Variants in LRRC7 observed in about 807,000 individuals in gnomAD.
LRRC7 encodes leucine rich repeat containing 7, also known as leucine-rich repeat-containing protein 7.
Under a neutral mutation model 175.7 loss-of-function variants are expected in LRRC7, and 23 were observed. That is an observed-to-expected ratio of 0.13 (90% CI 0.09 to 0.19). The LOEUF is 0.19. Among genes scored for constraint, LRRC7 ranks in the 10% least tolerant of loss-of-function variants. The probability of loss-of-function intolerance (pLI) is 1.00; values close to 1 mark genes in which losing one functional copy is unlikely to be tolerated. For missense variants in LRRC7, 1,354 were observed against 1,904.7 expected (o/e 0.71, Z 5.38); for synonymous variants, 685 against 680.9 (o/e 1.01, Z -0.09).
At chr1:70,023,573 G>A (rs1039169676) in intron 17 of LRRC7, among the ~76,000 whole-genome samples, 199 bp downstream of exon 17, 1 of 151,988 alleles carries the variant, frequency 6.6e-6, no homozygotes, top group African/African-American at 2.4e-5. Context: ...AGTCAGAGGG[G>A]AGGGAATATC....
At chr1:69,844,820 G>A (rs1424910363) in intron 7 of LRRC7, among the ~76,000 whole-genome samples, 1 of 151,802 alleles carries the variant, frequency 6.6e-6, no homozygotes, top group Non-Finnish European at 1.5e-5. Flanking sequence ...TATAACAAAG[G>A]GAACATAAAC....
chr1:69,701,238 A>G (rs557162412), intron 2 of LRRC7, among the ~76,000 whole-genome samples: 1 of 152,306 alleles, frequency 6.6e-6, no homozygotes, highest in South Asian at 2.1e-4. Context: ...GAATACCAAC[A>G]CATTTCAGAT....
chr1:69,608,230 A>C (rs1773322), intron 1 of LRRC7: 22,989 of 152,082 alleles, frequency 0.15, 1,921 homozygotes, highest in Admixed American at 0.19. Context: ...ATTTCTGCCA[A>C]GTTTTTCTTC....
intron 1 of LRRC7, among the ~76,000 whole-genome samples, chr1:69,633,130 T>A (rs1652770489): frequency 1.3e-5 from 2 of 152,058 alleles, no homozygotes; most frequent in South Asian, 4.1e-4. Context: ...AAGTTTGACC[T>A]GGAACTATTA....
intron 26 of LRRC7, among the ~76,000 whole-genome samples, chr1:70,115,905 A>T (rs563455068): frequency 2.0e-5 from 3 of 152,356 alleles, no homozygotes; most frequent in Admixed American, 2.0e-4. Context: ...AATGGAGACC[A>T]GCCTGGCTAC....
intron 7 of LRRC7, among the ~76,000 whole-genome samples, chr1:69,927,856 T>G (rs1246694797): frequency 6.6e-6 from 1 of 152,058 alleles, no homozygotes; most frequent in Admixed American, 6.6e-5. Flanking sequence ...GGTGAGGAAC[T>G]GCATTCCTTT....
chr1:69,998,972 A>G (rs1179257301), intron 11 of LRRC7, among the ~76,000 whole-genome samples: 3 of 152,194 alleles, frequency 2.0e-5, no homozygotes, highest in Admixed American at 1.3e-4. Context: ...CTTCACCAGC[A>G]GTACCTGATG....
At chr1:69,850,464 C>G (rs1261497264) in intron 7 of LRRC7, among the ~76,000 whole-genome samples, 1 of 152,054 alleles carries the variant, frequency 6.6e-6, no homozygotes, top group African/African-American at 2.4e-5. Flanking sequence ...AACAGTCTGA[C>G]TTCTCTAGAG....
At chr1:69,792,216 T>A (rs531817756) in intron 4 of LRRC7, 56 bp downstream of exon 4, 315 of 968,240 alleles carry the variant, frequency 3.3e-4, no homozygotes, top group Admixed American at 5.6e-4. Flanking sequence ...AAAATGTGCT[T>A]TAATATCTTC....
chr1:69,925,739 G>T (rs1213488906), intron 7 of LRRC7, among the ~76,000 whole-genome samples: 21 of 151,802 alleles, frequency 1.4e-4, no homozygotes, highest in Non-Finnish European at 2.7e-4. Flanking sequence ...GTTGATCCTT[G>T]CAAAAAACCA....
chr1:70,103,572 G>T (rs1446374967), intron 25 of LRRC7, among the ~76,000 whole-genome samples: 1 of 152,142 alleles, frequency 6.6e-6, no homozygotes, highest in Non-Finnish European at 1.5e-5. Context: ...AGAAAAGAAT[G>T]CAGCCGTACC....
chr1:69,952,467 G>GA (rs1026949974), intron 8 of LRRC7, among the ~76,000 whole-genome samples: 2 of 151,426 alleles, frequency 1.3e-5, no homozygotes, highest in South Asian at 2.1e-4. Flanking sequence ...CGTTAACTCT[G>GA]AAAAAAAAGT....
chr1:70,028,497 A>G, intron 18 of LRRC7, 126 bp downstream of exon 18: 1 of 810,494 alleles, frequency 1.2e-6, no homozygotes. Flanking sequence ...TGATCTCTCT[A>G]CTTTTTCAAA....
chr1:69,645,653 C>T (rs767262628), intron 1 of LRRC7, among the ~76,000 whole-genome samples: 3 of 151,984 alleles, frequency 2.0e-5, no homozygotes, highest in Admixed American at 6.6e-5. Context: ...ATGACTTTAG[C>T]GACTACACAA....
intron 2 of LRRC7, among the ~76,000 whole-genome samples, chr1:69,686,612 T>C (rs1437529848): frequency 6.6e-6 from 1 of 151,984 alleles, no homozygotes; most frequent in Non-Finnish European, 1.5e-5. Flanking sequence ...TCAAAAACAT[T>C]ATAAGTAAAT....
At chr1:69,809,573 C>T (rs1379582581) in intron 4 of LRRC7, among the ~76,000 whole-genome samples, 1 of 152,076 alleles carries the variant, frequency 6.6e-6, no homozygotes, top group Admixed American at 6.6e-5. Context: ...AAAGCTTATC[C>T]ACACCATCAA....
rs1423408732 is a variant in LRRC7 at position 70,140,174 on chromosome 1, T to C, written c.*18287T>C. On this transcript the variant is annotated 3_prime_UTR_variant, in exon 27 of 27. Coordinates refer to ENST00000651989, the MANE Select transcript of LRRC7 (RefSeq NM_001370785.2). ...AAGAAAATTGTTACATCAGGCTGCT[T>C]TTATCAAGCTAAGCATGGGCATGCC... The C allele has an allele frequency of 6.6e-6, 1 of 152,126 alleles. No individual in the cohort carries two copies. The highest frequency in any genetic ancestry group is 2.4e-5 in the African/African-American group (1 of 41,432). The allele number at this position is 152,126 out of a possible 1,614,324, so 9.4% of individuals were successfully genotyped here.
chr1:69,802,568 A>G (rs556310292), intron 4 of LRRC7, among the ~76,000 whole-genome samples: 2 of 151,554 alleles, frequency 1.3e-5, no homozygotes, highest in East Asian at 1.9e-4. Context: ...TGTATAGAAT[A>G]TCTTTTCTCA....
chr1:69,829,110 T>C (rs758843662), intron 5 of LRRC7, among the ~76,000 whole-genome samples: 7 of 151,988 alleles, frequency 4.6e-5, no homozygotes, highest in Admixed American at 1.3e-4. Flanking sequence ...ATTCTTACTA[T>C]GGGATAGGTA....
Sources: gnomAD v4.1 joint callset for allele counts (sites outside exome capture counted in the v4.1 genomes callset) on GRCh38, gnomAD v4.1.1 for gene constraint, MANE v1.5 for transcripts, NCBI Gene and HGNC (gene_info 2026-07-23, HGNC 2026-07-21) for gene names.